SCAPER: variants seen among roughly 807,000 people sequenced by gnomAD.
SCAPER encodes S phase cyclin A-associated protein in the endoplasmic reticulum.
Under a neutral mutation model 182.2 loss-of-function variants are expected in SCAPER, and 98 were observed. The observed-to-expected ratio is 0.54, with a 90% CI of 0.46 to 0.64. The LOEUF (loss-of-function observed/expected upper bound fraction) is 0.64, where lower values mean the gene tolerates loss of function less well. Ranked by LOEUF, SCAPER falls within the 30% of genes least tolerant of loss-of-function variation. The probability of loss-of-function intolerance (pLI) is 0.00; values close to 1 mark genes in which losing one functional copy is unlikely to be tolerated. For synonymous variants in SCAPER, 605 were observed against 564.6 expected (o/e 1.07, Z -1.01); for missense variants, 1,432 against 1,690.0 (o/e 0.85, Z 2.68).
chr15:76,499,469 G>A (rs762719745), intron 24 of SCAPER, among the ~76,000 whole-genome samples: 11 of 152,066 alleles, frequency 7.2e-5, no homozygotes, highest in Non-Finnish European at 1.5e-4. Flanking sequence ...TATTTGATGC[G>A]GTATGCCCTT....
chr15:76,565,227 C>A (rs1438570185), intron 23 of SCAPER, among the ~76,000 whole-genome samples: 1 of 152,062 alleles, frequency 6.6e-6, no homozygotes, highest in Non-Finnish European at 1.5e-5. Context: ...AAACAGATAA[C>A]CTACAGAATG....
intron 20 of SCAPER, among the ~76,000 whole-genome samples, chr15:76,686,508 T>C (rs1389285647): frequency 6.6e-6 from 1 of 152,096 alleles, no homozygotes; most frequent in East Asian, 1.9e-4. Flanking sequence ...GGATCATCTC[T>C]AAAATTGAAC....
intron 27 of SCAPER, among the ~76,000 whole-genome samples, chr15:76,383,983 T>C (rs914266098): frequency 6.6e-6 from 1 of 152,242 alleles, no homozygotes; most frequent in Non-Finnish European, 1.5e-5. Context: ...TCTGAACCTT[T>C]ACACAAACTT....
chr15:76,480,003 G>T (rs2050976181), intron 24 of SCAPER, among the ~76,000 whole-genome samples: 1 of 152,166 alleles, frequency 6.6e-6, no homozygotes, highest in Admixed American at 6.5e-5. Context: ...TTATCGTTTT[G>T]CCCTCAAGTA....
intron 21 of SCAPER, among the ~76,000 whole-genome samples, chr15:76,657,347 AG>A (rs2055734996): frequency 6.6e-6 from 1 of 152,088 alleles, no homozygotes; most frequent in Non-Finnish European, 1.5e-5. Flanking sequence ...AGATTGAATG[AG>A]GAAGAAATTG....
intron 20 of SCAPER, among the ~76,000 whole-genome samples, chr15:76,688,178 T>C (rs1247701281): frequency 6.6e-6 from 1 of 151,744 alleles, no homozygotes; most frequent in Non-Finnish European, 1.5e-5. Context: ...TTTGCATTTC[T>C]CTAATGACCA....
intron 24 of SCAPER, among the ~76,000 whole-genome samples, chr15:76,484,014 C>A (rs1290794568): frequency 6.6e-6 from 1 of 152,116 alleles, no homozygotes; most frequent in Non-Finnish European, 1.5e-5. Context: ...GACTTAAAAA[C>A]TTATATCTAC....
At chr15:76,820,864 A>AT (rs1159593293) in intron 5 of SCAPER, among the ~76,000 whole-genome samples, 1 of 152,224 alleles carries the variant, frequency 6.6e-6, no homozygotes, top group African/African-American at 2.4e-5. Context: ...GAAAATAAAC[A>AT]TATGAAAACA....
At chr15:76,572,907 T>TCACACACACACA (rs1354938338) in intron 23 of SCAPER, among the ~76,000 whole-genome samples, 4 of 55,994 alleles carry the variant, frequency 7.1e-5, no homozygotes, top group African/African-American at 1.9e-4. Context: ...TCTCTCTCTC[T>TCACACACACACA]CTCTCTCTCT....
intron 27 of SCAPER, among the ~76,000 whole-genome samples, chr15:76,396,981 T>C (rs1173013477): frequency 6.6e-6 from 1 of 151,906 alleles, no homozygotes; most frequent in Non-Finnish European, 1.5e-5. Flanking sequence ...TTGAGGTATG[T>C]TTCTTCTCAA....
rs534047999 is a variant in SCAPER, at chr15:76,890,319, G to A, written c.-59-6443C>T. On this transcript the variant is annotated intron_variant, in intron 1 of 31. Transcript: ENST00000563290. ...AGAAGGCAAGAAATAACTAAGATCA[G>A]AGCAGAACTGAAGGAAATAGAGACA... 2.2e-3 allele frequency among the ~76,000 whole-genome samples: 335 copies of A among 152,206 alleles called. 1 individual carries two copies. The highest frequency in any genetic ancestry group is 7.8e-3 in the African/African-American group (322 of 41,526).
intron 29 of SCAPER, among the ~76,000 whole-genome samples, chr15:76,366,252 TC>T (rs1380602860): frequency 6.6e-6 from 1 of 152,198 alleles, no homozygotes; most frequent in African/African-American, 2.4e-5. Context: ...TCTGGAACTT[TC>T]CTGTGAGAAC....
intron 8 of SCAPER, among the ~76,000 whole-genome samples, chr15:76,783,260 C>T (rs1287434196): frequency 1.3e-5 from 2 of 152,108 alleles, no homozygotes; most frequent in African/African-American, 4.8e-5. Context: ...AACACCTCTA[C>T]ACAAATAAAC....
chr15:76,374,057 T>G (rs937700757), intron 29 of SCAPER, among the ~76,000 whole-genome samples: 4 of 150,918 alleles, frequency 2.7e-5, no homozygotes, highest in African/African-American at 9.8e-5. Context: ...ACACACTTGT[T>G]AGAGATTTGC....
intron 2 of SCAPER, among the ~76,000 whole-genome samples, chr15:76,876,124 C>A (rs561182146): frequency 2.6e-5 from 4 of 152,246 alleles, no homozygotes; most frequent in African/African-American, 9.6e-5. Flanking sequence ...GCCCGCCAAG[C>A]CCACGCCCAT....
intron 24 of SCAPER, among the ~76,000 whole-genome samples, chr15:76,487,883 C>G (rs1274715232): frequency 6.6e-6 from 1 of 152,110 alleles, no homozygotes; most frequent in East Asian, 1.9e-4. Flanking sequence ...TCATTTCCTG[C>G]TGCATACTTG....
At chr15:76,749,365 T>C (rs758413561) in intron 15 of SCAPER, among the ~76,000 whole-genome samples, 8 of 152,050 alleles carry the variant, frequency 5.3e-5, no homozygotes, top group Admixed American at 6.5e-5. Flanking sequence ...CAAACATCTA[T>C]GAAATGTCTA....
chr15:76,502,009 T>C (rs2041168774), intron 24 of SCAPER, among the ~76,000 whole-genome samples: 1 of 152,252 alleles, frequency 6.6e-6, no homozygotes, highest in African/African-American at 2.4e-5. Context: ...TTTAATCCTT[T>C]AGCCCTGAAA....
chr15:76,800,406 A>G (rs1439916171), intron 6 of SCAPER, 42 bp from the exon 7 acceptor site: 3 of 1,237,130 alleles, frequency 2.4e-6, no homozygotes, highest in African/African-American at 1.5e-5. Context: ...TAACAGAGAA[A>G]AGGGAGAAAC....
Sources: allele counts gnomAD v4.1 joint callset (sites outside exome capture counted in the v4.1 genomes callset), GRCh38; gene constraint gnomAD v4.1.1; transcripts MANE v1.5; gene names NCBI Gene and HGNC (gene_info 2026-07-23, HGNC 2026-07-21).